The following SERPINA4 variants were observed in gnomAD, a reference collection of about 807,000 sequenced individuals.
SERPINA4 encodes the protein serpin family A member 4, also known as kallistatin.
SERPINA4 carries 24 observed loss-of-function variants against 25.4 expected under a neutral mutation model. The observed-to-expected ratio is 0.95, with a 90% CI of 0.69 to 1.33. The LOEUF is 1.33. Ranked by LOEUF, SERPINA4 falls within the 40% of genes most tolerant of loss-of-function variation. The pLI is 0.00. For synonymous variants in SERPINA4, 242 were observed against 223.6 expected, an observed-to-expected ratio of 1.08 and a Z score of -0.73; for missense variants, 553 against 535.8, an observed-to-expected ratio of 1.03 and a Z score of -0.32.
At chr14:94,561,562 G>A (rs956308017) in intron 1 of SERPINA4, 68 bp downstream of exon 1, 9 of 935,992 alleles carry the variant, frequency 9.6e-6, no homozygotes, top group Non-Finnish European at 1.3e-5. Context: ...GTTCCACTTT[G>A]CCCAAGACTG....
intron 3 of SERPINA4, 101 bp downstream of exon 3, chr14:94,567,344 A>G (rs10133253): frequency 0.26 from 329,960 of 1,284,036 alleles, 43,781 homozygotes; most frequent in South Asian, 0.35. Context: ...ACACCAAATT[A>G]TGAGAGAATT....
In SERPINA4 at chr14:94,568,214, G is replaced by A. The variant is rs146485895; in HGVS notation, c.1009G>A (p.Gly337Ser). 7.9e-5 allele frequency: 127 copies of A among 1,614,094 alleles called. No individual in the cohort carries two copies. The highest frequency in any genetic ancestry group is 1.0e-4 in the Non-Finnish European group (121 of 1,180,042). Reference protein sequence around the residue: ...YVLDQILPRLGFTDLFSKWAD... With the variant: ...YVLDQILPRLSFTDLFSKWAD... Reference sequence around the variant, plus strand: ...ATTAGATCAGATTTTGCCCAGGCTGGGCTTCACGGATCTGTTCTCCAAGTG... The same window carrying A: ...ATTAGATCAGATTTTGCCCAGGCTGAGCTTCACGGATCTGTTCTCCAAGTG... The change falls in exon 4 of 5, where the codon GGC becomes AGC. Residue 337 changes from glycine (G) to serine (S), a missense_variant. Gly to Ser is a moderately conservative substitution (Grantham distance 56, BLOSUM62 0). Transcript: ENST00000557004.
At position 94,566,971 on chromosome 14, in the gene SERPINA4, C is replaced by T; in HGVS notation, c.651C>T (p.Ala217=). ...MVLVNYIYFK[A]LWEKPFISSR... ...ACCTTCTTTTCATCTTCCCTTCAGC[C>T]CTGTGGGAGAAACCATTCATTTCCT... The change falls in exon 3 of 5, where the codon GCC becomes GCT. Residue 217 remains alanine (A), a splice_region_variant and synonymous_variant. Transcript: ENST00000557004. The T allele has an allele frequency of 3.1e-6, 5 of 1,612,376 alleles. No homozygotes were observed. The South Asian group carries it at 5.5e-5, about 18-fold the overall frequency.
rs1902328769 is a variant in SERPINA4, at chr14:94,569,553, T to G, written c.1242T>G (p.Ser414Arg). The stretch of plus-strand genomic sequence containing the variant: ...TGATCTTTTCCACCAGCACCCAGAG[T>G]GTCCTCTTTCTGGGCAAGGTCGTCG... The part of the protein sequence containing the change: ...LVVIFSTSTQ[S>R]VLFLGKVVDP... The change falls in exon 5 of 5, where the codon AGT becomes AGG. Residue 414 changes from serine to arginine, a missense_variant. By Grantham distance (110) the Ser-to-Arg change is moderately radical. Coordinates refer to ENST00000557004, the MANE Select transcript of SERPINA4 (RefSeq NM_006215.4). 6.2e-7 allele frequency: 1 copy of G among 1,613,808 alleles called. No homozygotes were observed. Among genetic ancestry groups the G allele is most frequent in the African/African-American group, 1.3e-5 (1 of 74,836 alleles).
Position 94,566,855 on chromosome 14 carries a change from G to A in SERPINA4, c.650-115G>A. The A allele has an allele frequency of 4.0e-6, 5 of 1,242,412 alleles. No individual in the cohort carries two copies. In the South Asian group the frequency reaches 6.0e-5, roughly 15 times the overall value. 77.0% of individuals were successfully genotyped at this position (1,242,412 alleles called of 1,614,324 possible). On this transcript the variant is annotated intron_variant, in intron 2 of 4. Coordinates refer to ENST00000557004, the MANE Select transcript of SERPINA4 (RefSeq NM_006215.4). ...TGGGACATCTTGATGGGCTCATAGG[G>A]CAGGATCTGGAGCGACTGTTTCTGT... is the stretch of plus-strand genomic sequence containing the variant.
intron 1 of SERPINA4, among the ~76,000 whole-genome samples, chr14:94,563,084 G>T (rs369443851): frequency 2.0e-5 from 3 of 152,226 alleles, no homozygotes; most frequent in Non-Finnish European, 4.4e-5. Context: ...GGGAGAAGCA[G>T]CACCTGAGTC....
chr14:94,562,726 G>T (rs1902066801), intron 1 of SERPINA4, among the ~76,000 whole-genome samples: 1 of 152,216 alleles, frequency 6.6e-6, no homozygotes, highest in Admixed American at 6.5e-5. Context: ...CCGGATACTG[G>T]TGGGACCATT....
chr14:94,566,189 T>C (rs112310094), intron 2 of SERPINA4, among the ~76,000 whole-genome samples: 1 of 152,218 alleles, frequency 6.6e-6, no homozygotes, highest in Non-Finnish European at 1.5e-5. Flanking sequence ...CCTCCAAAGC[T>C]GCAAACCTGC....
chr14:94,561,747 G>A, intron 1 of SERPINA4: 1 of 1,289,796 alleles, frequency 7.8e-7, no homozygotes, highest in Middle Eastern at 2.1e-4. Flanking sequence ...CCTCCCCCAG[G>A]GACACACAGC....
chr14:94,568,874 A>AAAAAAAAAAAG (rs111887262), intron 4 of SERPINA4, among the ~76,000 whole-genome samples: 2 of 146,198 alleles, frequency 1.4e-5, no homozygotes, highest in African/African-American at 2.5e-5. Context: ...TCTCAAAAAA[A>AAAAAAAAAAAG]AAAAAAAAGA....
chr14:94,563,499 A>C lies in SERPINA4; in HGVS notation c.17A>C (p.Tyr6Ser). ...GTGCAGAGGATGCATCTTATCGACT[A>C]CCTGCTCCTCCTGCTGGTTGGACTA... is the stretch of plus-strand genomic sequence containing the variant. MHLID[Y>S]LLLLLVGLLA... The change falls in exon 2 of 5, where the codon TAC becomes TCC. Residue 6 changes from tyrosine (Y) to serine (S), a missense_variant. Transcript: ENST00000557004. The C allele has an allele frequency of 6.2e-7, 1 of 1,613,068 alleles. No homozygotes were observed.
intron 4 of SERPINA4, among the ~76,000 whole-genome samples, chr14:94,568,916 G>A (rs1902306886): frequency 6.6e-6 from 1 of 151,658 alleles, no homozygotes; most frequent in African/African-American, 2.4e-5. Flanking sequence ...GAGAGACACA[G>A]GTGAGGCTGC....
At chr14:94,565,684 A>G (rs1902179534) in intron 2 of SERPINA4, among the ~76,000 whole-genome samples, 1 of 58,618 alleles carries the variant, frequency 1.7e-5, no homozygotes, top group Admixed American at 1.3e-4. Context: ...TGTCTCTACT[A>G]AAAATACAAA....
chr14:94,568,100 C>T, intron 3 of SERPINA4, 29 bp from the exon 4 acceptor site: 1 of 1,612,388 alleles, frequency 6.2e-7, no homozygotes. Context: ...GTTCATTAAT[C>T]TAATGTTCTA....
At chr14:94,562,371 G>A (rs1490450193) in intron 1 of SERPINA4, among the ~76,000 whole-genome samples, 1 of 152,180 alleles carries the variant, frequency 6.6e-6, no homozygotes, top group East Asian at 1.9e-4. Context: ...GAGAGTCTAG[G>A]AGTTGGAGAC....
intron 2 of SERPINA4, among the ~76,000 whole-genome samples, chr14:94,564,628 C>T (rs762492881): frequency 1.3e-5 from 2 of 152,218 alleles, no homozygotes; most frequent in Non-Finnish European, 2.9e-5. Context: ...TATTGGCACA[C>T]AGCCAGGCCC....
intron 1 of SERPINA4, among the ~76,000 whole-genome samples, chr14:94,562,330 A>C (rs875958): frequency 6.6e-5 from 10 of 152,124 alleles, no homozygotes; most frequent in African/African-American, 2.4e-4. Flanking sequence ...ATCATAGCAA[A>C]AGAGGGGGCG....
intron 1 of SERPINA4, among the ~76,000 whole-genome samples, chr14:94,562,283 C>G (rs895826376): frequency 2.0e-5 from 3 of 152,120 alleles, no homozygotes; most frequent in African/African-American, 7.2e-5. Context: ...TACTATCTGG[C>G]GCTTTGCAGA....
chr14:94,568,874 A>AAAAAG (rs1566831307), intron 4 of SERPINA4, among the ~76,000 whole-genome samples: 1 of 146,200 alleles, frequency 6.8e-6, no homozygotes, highest in Non-Finnish European at 1.5e-5. Flanking sequence ...TCTCAAAAAA[A>AAAAAG]AAAAAAAAGA....
Sources: gnomAD v4.1 joint callset for allele counts (sites outside exome capture counted in the v4.1 genomes callset) on GRCh38, gnomAD v4.1.1 for gene constraint, MANE v1.5 for transcripts, NCBI Gene and HGNC (gene_info 2026-07-23, HGNC 2026-07-21) for gene names.